Variants in ZBTB16 observed in about 807,000 individuals in gnomAD.
ZBTB16 encodes zinc finger and BTB domain-containing protein 16.
In ZBTB16, 8 loss-of-function variants were observed where a neutral mutation model predicts 56.8. The observed-to-expected ratio is 0.14, with a 90% CI of 0.08 to 0.25. ZBTB16 has a LOEUF of 0.25. Ranked by LOEUF, ZBTB16 falls within the 10% of genes least tolerant of loss-of-function variation. ZBTB16 has a pLI of 1.00. For synonymous variants in ZBTB16, 363 were observed against 368.5 expected (o/e 0.98, Z 0.17); for missense variants, 625 against 903.0 (o/e 0.69, Z 3.95).
At chr11:114,214,752 C>T (rs1267295724) in intron 4 of ZBTB16, among the ~76,000 whole-genome samples, 5 of 152,274 alleles carry the variant, frequency 3.3e-5, no homozygotes, top group East Asian at 1.9e-4. Flanking sequence ...TACAGGCATG[C>T]GCCACCACAT....
intron 4 of ZBTB16, among the ~76,000 whole-genome samples, chr11:114,228,263 T>C (rs889962628): frequency 6.6e-6 from 1 of 152,360 alleles, no homozygotes; most frequent in East Asian, 1.9e-4. Flanking sequence ...CAGGCTGTAA[T>C]TGAATAACTA....
chr11:114,080,435 G>A (rs1165857781), intron 2 of ZBTB16, among the ~76,000 whole-genome samples: 4 of 151,834 alleles, frequency 2.6e-5, no homozygotes, highest in Admixed American at 6.6e-5. Context: ...GCTCGCTCTC[G>A]CTGGTGCTCC....
At chr11:114,083,373 G>A (rs1939843568) in intron 2 of ZBTB16, among the ~76,000 whole-genome samples, 1 of 152,156 alleles carries the variant, frequency 6.6e-6, no homozygotes, top group South Asian at 2.1e-4. Flanking sequence ...GAAACCCACT[G>A]GCCACTGGAG....
intron 4 of ZBTB16, among the ~76,000 whole-genome samples, chr11:114,211,508 G>T (rs548455844): frequency 2.0e-5 from 3 of 152,288 alleles, no homozygotes; most frequent in Non-Finnish European, 4.4e-5. Context: ...GTGGGGTTTG[G>T]TGCTTACTAA....
At position 114,240,640 on chromosome 11, in the gene ZBTB16, G is replaced by A. The variant is rs1358500828; in HGVS notation, c.1454-1527G>A. ...TGCTCAGGAAAACAGAGCCCAAAAG[G>A]GTGGGCACTGAGCTGCCAGTTAGGA... On this transcript the variant is annotated intron_variant, in intron 4 of 6. Coordinates refer to ENST00000335953, the MANE Select transcript of ZBTB16 (RefSeq NM_006006.6). 2.6e-5 allele frequency among the ~76,000 whole-genome samples: 4 copies of A among 152,150 alleles called. No individual in the cohort carries two copies. The South Asian group carries it at 8.3e-4, about 32-fold the overall frequency.
At chr11:114,089,459 C>CT (rs1565618847) in intron 2 of ZBTB16, among the ~76,000 whole-genome samples, 1 of 152,094 alleles carries the variant, frequency 6.6e-6, no homozygotes, top group South Asian at 2.1e-4. Context: ...GTGACCTTTT[C>CT]TTTTTTTCTA....
At chr11:114,151,243 G>A (rs542103155) in intron 2 of ZBTB16, among the ~76,000 whole-genome samples, 2 of 152,280 alleles carry the variant, frequency 1.3e-5, no homozygotes, top group East Asian at 3.9e-4. Context: ...AAAACCCAAA[G>A]CATTGGGGTG....
intron 2 of ZBTB16, among the ~76,000 whole-genome samples, chr11:114,109,060 T>C (rs1388868667): frequency 6.6e-6 from 1 of 152,134 alleles, no homozygotes; most frequent in East Asian, 1.9e-4. Context: ...ACAGGCCTAA[T>C]GGAGCTGAGA....
At chr11:114,154,144 G>A (rs1942344942) in intron 2 of ZBTB16, among the ~76,000 whole-genome samples, 1 of 152,188 alleles carries the variant, frequency 6.6e-6, no homozygotes, top group East Asian at 1.9e-4. Flanking sequence ...AACCCTCATG[G>A]AGAAGAGATG....
chr11:114,183,200 A>G (rs1297861963), intron 3 of ZBTB16, among the ~76,000 whole-genome samples: 2 of 152,124 alleles, frequency 1.3e-5, no homozygotes, highest in African/African-American at 4.8e-5. Context: ...ATCCACGTGT[A>G]AGGAGGGACC....
At chr11:114,189,202 T>C (rs1398470240) in intron 4 of ZBTB16, 1 of 152,182 alleles carries the variant, frequency 6.6e-6, no homozygotes, top group Non-Finnish European at 1.5e-5. Context: ...AACTTATAGC[T>C]AGAAATAGAA....
At chr11:114,140,269 C>T (rs1384001646) in intron 2 of ZBTB16, among the ~76,000 whole-genome samples, 1 of 152,154 alleles carries the variant, frequency 6.6e-6, no homozygotes, top group Non-Finnish European at 1.5e-5. Flanking sequence ...CTTGGGGAGG[C>T]CTGAGCTTTT....
chr11:114,150,882 G>A (rs1942261986), intron 2 of ZBTB16, among the ~76,000 whole-genome samples: 1 of 152,182 alleles, frequency 6.6e-6, no homozygotes, highest in African/African-American at 2.4e-5. Flanking sequence ...ACCTTATGCT[G>A]TCCCCACATG....
intron 4 of ZBTB16, among the ~76,000 whole-genome samples, chr11:114,235,603 T>G (rs932369900): frequency 3.9e-5 from 6 of 152,092 alleles, no homozygotes; most frequent in Admixed American, 6.5e-5. Context: ...TCCCTTTCTC[T>G]CTCTTTCTTT....
chr11:114,239,120 C>T (rs1008359026), intron 4 of ZBTB16, among the ~76,000 whole-genome samples: 144 of 152,236 alleles, frequency 9.5e-4, no homozygotes, highest in African/African-American at 3.3e-3. Context: ...GGGGCAGTAT[C>T]GAGGGGCCTT....
intron 2 of ZBTB16, among the ~76,000 whole-genome samples, chr11:114,126,466 T>G (rs1202615964): frequency 6.6e-6 from 1 of 152,190 alleles, no homozygotes; most frequent in East Asian, 1.9e-4. Flanking sequence ...CAACTGGGTC[T>G]TCTGGGGTTG....
At position 114,218,368 on chromosome 11, in the gene ZBTB16, T is replaced by C. The variant is rs1409601027; in HGVS notation, c.1454-23799T>C. Among the ~76,000 whole-genome samples the C allele has an allele frequency of 2.6e-5, 4 of 152,204 alleles. No individual in the cohort carries two copies. In the East Asian group the frequency reaches 7.7e-4, roughly 29 times the overall value. On this transcript the variant is annotated intron_variant, in intron 4 of 6. Transcript: ENST00000335953. ...TCCAAAGAAGAGGAGCTCAGGGCCCTGGGTCCTGCCCCACTGGGGCTTTAC... is the reference window on the plus strand; with the variant it reads ...TCCAAAGAAGAGGAGCTCAGGGCCCCGGGTCCTGCCCCACTGGGGCTTTAC...
In ZBTB16 at chr11:114,213,263, G is replaced by A. The variant is rs530998114; in HGVS notation, c.1453+26225G>A. Among the ~76,000 whole-genome samples the A allele has an allele frequency of 2.6e-5, 4 of 152,298 alleles. No individual in the cohort carries two copies. In the South Asian group the frequency reaches 8.3e-4, roughly 32 times the overall value. On this transcript the variant is annotated intron_variant, in intron 4 of 6. Coordinates refer to ENST00000335953, the MANE Select transcript of ZBTB16 (RefSeq NM_006006.6). ...TGAACCAAGGTGGACACTGGGCAGA[G>A]AAATCATTTGCCAAGAGATAGGTAT... is the stretch of plus-strand genomic sequence containing the variant.
intron 4 of ZBTB16, among the ~76,000 whole-genome samples, chr11:114,204,101 G>A (rs1943797282): frequency 6.6e-6 from 1 of 151,788 alleles, no homozygotes. Context: ...TCAGTGTGGG[G>A]AAATTAGAAA....
Sources: gnomAD v4.1 joint callset for allele counts (sites outside exome capture counted in the v4.1 genomes callset) on GRCh38, gnomAD v4.1.1 for gene constraint, MANE v1.5 for transcripts, NCBI Gene and HGNC (gene_info 2026-07-23, HGNC 2026-07-21) for gene names.